Variants in AKAP6 observed in about 807,000 individuals in gnomAD.
AKAP6 encodes the protein A-kinase anchoring protein 6.
A neutral mutation model predicts 188.5 loss-of-function variants in AKAP6; 58 were observed. That is an observed-to-expected ratio of 0.31 (90% CI 0.25 to 0.38). The LOEUF is 0.38. AKAP6 is among the 10% of genes least tolerant of loss of function. The pLI, the probability that AKAP6 is intolerant of heterozygous loss-of-function variation, is 1.00. For missense variants in AKAP6, 2,710 were observed against 2,740.0 expected (o/e 0.99, Z 0.24); for synonymous variants, 989 against 998.6 (o/e 0.99, Z 0.18).
At chr14:32,476,829 C>T (rs769948745) in intron 2 of AKAP6, among the ~76,000 whole-genome samples, 1 of 152,158 alleles carries the variant, frequency 6.6e-6, no homozygotes, top group Non-Finnish European at 1.5e-5. Flanking sequence ...CCAGCCTCCA[C>T]AGTGGCTTAC....
intron 2 of AKAP6, among the ~76,000 whole-genome samples, chr14:32,521,048 A>G (rs1262172399): frequency 2.0e-5 from 3 of 152,228 alleles, no homozygotes; most frequent in Non-Finnish European, 2.9e-5. Context: ...ATGCAAATCA[A>G]TAAACATAAT....
rs542968045 is a variant in AKAP6 at position 32,524,321 on chromosome 14, C to T, written c.325-11233C>T. Among the ~76,000 whole-genome samples the T allele has an allele frequency of 9.5e-4, 145 of 152,130 alleles. 2 individuals are homozygous for T. Among genetic ancestry groups the T allele is most frequent in the African/African-American group, 3.4e-3 (142 of 41,490 alleles). ...GCCTCTGTGATGGAAAGGGGACAGG[C>T]GGAAGCAGTTCTGGGGTGGGGATGG... On this transcript the variant is annotated intron_variant, in intron 2 of 13. Coordinates refer to ENST00000280979, the MANE Select transcript of AKAP6 (RefSeq NM_004274.5).
At chr14:32,636,706 G>A (rs1887507158) in intron 7 of AKAP6, among the ~76,000 whole-genome samples, 6 of 152,128 alleles carry the variant, frequency 3.9e-5, no homozygotes, top group South Asian at 2.1e-4. Flanking sequence ...CCTTCAGAAA[G>A]TGTTCAGCAT....
rs74041682 is a variant in AKAP6 at position 32,749,711 on chromosome 14, A to G, written c.3372+13829A>G. ...TAAACTGCTAGTGCGGTGATGGCAA[A>G]CAAATGTACAGATCTATAAGATATG... is the stretch of plus-strand genomic sequence containing the variant. On this transcript the variant is annotated intron_variant, in intron 11 of 13. Coordinates refer to ENST00000280979, the MANE Select transcript of AKAP6 (RefSeq NM_004274.5). 7.8e-3 allele frequency among the ~76,000 whole-genome samples: 1,187 copies of G among 152,366 alleles called. 10 individuals carry two copies. The highest frequency in any genetic ancestry group is 0.027 in the African/African-American group (1,130 of 41,584).
intron 2 of AKAP6, among the ~76,000 whole-genome samples, chr14:32,508,075 A>T (rs538429333): frequency 6.6e-6 from 1 of 152,256 alleles, no homozygotes; most frequent in African/African-American, 2.4e-5. Flanking sequence ...CTTTCAGACT[A>T]AAAAAATCTC....
Position 32,823,688 on chromosome 14 carries a change from C to T in AKAP6, c.5875C>T (p.His1959Tyr), listed in dbSNP as rs1243904617. The part of the protein sequence containing the change: ...GKEFVSQDVR[H>Y]LPKKCPNHHH... ...GGAATTTGTTTCCCAAGATGTTAGACATCTTCCAAAGAAATGTCCAAATCA... is the reference window on the plus strand; with the variant it reads ...GGAATTTGTTTCCCAAGATGTTAGATATCTTCCAAAGAAATGTCCAAATCA... Residue 1959 changes from histidine (H) to tyrosine (Y), a missense_variant, in exon 13 of 14, where the codon CAT becomes TAT. His to Tyr is a moderately conservative substitution (Grantham distance 83, BLOSUM62 2). Transcript: ENST00000280979. 1.2e-6 allele frequency: 2 copies of T among 1,613,790 alleles called. No individual in the cohort carries two copies. Among genetic ancestry groups the T allele is most frequent in the Admixed American group, 1.7e-5 (1 of 59,940 alleles).
At chr14:32,518,644 G>A (rs7143243) in intron 2 of AKAP6, among the ~76,000 whole-genome samples, 109,233 of 151,958 alleles carry the variant, frequency 0.72, 40,135 homozygotes, top group African/African-American at 0.87. Context: ...AAGTTTAGAA[G>A]AAAAAGAGTA....
chr14:32,670,202 G>T (rs921506875), intron 7 of AKAP6, among the ~76,000 whole-genome samples: 1 of 151,890 alleles, frequency 6.6e-6, no homozygotes, highest in African/African-American at 2.4e-5. Context: ...CACAAGAATA[G>T]CAGGAGGGTA....
chr14:32,689,575 T>G (rs113894051), intron 8 of AKAP6, among the ~76,000 whole-genome samples: 1,886 of 152,254 alleles, frequency 0.012, 40 homozygotes, highest in African/African-American at 0.043. Context: ...AAATAGTAAA[T>G]TAGTGTCCAC....
intron 11 of AKAP6, among the ~76,000 whole-genome samples, chr14:32,750,548 C>G (rs1366422372): frequency 6.6e-6 from 1 of 151,170 alleles, no homozygotes; most frequent in Non-Finnish European, 1.5e-5. Context: ...ATAGTAAGAC[C>G]CCATCTCTAC....
intron 7 of AKAP6, among the ~76,000 whole-genome samples, chr14:32,634,589 G>A (rs1417455028): frequency 6.6e-6 from 1 of 152,000 alleles, no homozygotes; most frequent in Non-Finnish European, 1.5e-5. Context: ...TGGCTATCCA[G>A]TCTAATTAAT....
In AKAP6 at chr14:32,493,962, AGGCTTCTAGAGGAGGTGGCCATTGAACT is replaced by A. The variant is rs141425000; in HGVS notation, c.325-41590_325-41563del. Among the ~76,000 whole-genome samples, 470 of 152,256 alleles carry A rather than the reference AGGCTTCTAGAGGAGGTGGCCATTGAACT, an allele frequency of 3.1e-3. 2 individuals are homozygous for A. The highest frequency in any genetic ancestry group is 0.011 in the African/African-American group (444 of 41,536). ...ATTAAGCCAGGCAAGGAGAGTCACGAGGCTTCTAGAGGAGGTGGCCATTGAACTGACTGTCAGGAAGTTTGAGAGAGTG... is the reference window on the plus strand; with the variant it reads ...ATTAAGCCAGGCAAGGAGAGTCACGAGACTGTCAGGAAGTTTGAGAGAGTG... On this transcript the variant is annotated intron_variant, in intron 2 of 13. Transcript: ENST00000280979.
intron 7 of AKAP6, 91 bp downstream of exon 7, chr14:32,600,883 T>C: frequency 7.9e-7 from 1 of 1,267,086 alleles, no homozygotes. Context: ...CCCTAAGGCT[T>C]TTTGTTTCTA....
chr14:32,769,120 C>T (rs2032816610), intron 11 of AKAP6, among the ~76,000 whole-genome samples: 1 of 135,106 alleles, frequency 7.4e-6, no homozygotes, highest in Admixed American at 8.5e-5. Flanking sequence ...CGATCTCGGC[C>T]CACTGCAACC....
chr14:32,635,362 A>C (rs1001432137), intron 7 of AKAP6, among the ~76,000 whole-genome samples: 1 of 152,132 alleles, frequency 6.6e-6, no homozygotes, highest in Non-Finnish European at 1.5e-5. Flanking sequence ...AGTTATGGAC[A>C]AAATAAGTAA....
chr14:32,494,928 A>T (rs1197521453), intron 2 of AKAP6: 1 of 152,182 alleles, frequency 6.6e-6, no homozygotes, highest in Non-Finnish European at 1.5e-5. Context: ...TGTAAGCTTT[A>T]CATGTGAGCT....
Position 32,460,055 on chromosome 14 carries a change from C to G in AKAP6, c.324+26238C>G, listed in dbSNP as rs181240641. 7.4e-4 allele frequency among the ~76,000 whole-genome samples: 112 copies of G among 151,876 alleles called. 1 individual carries two copies. In the East Asian group the frequency reaches 0.017, roughly 23 times the overall value. The stretch of plus-strand genomic sequence containing the variant: ...CAACACCATCAATAAATTAGTCTTG[C>G]CAAAAAAGAAAGGAAAAATACAACT... On this transcript the variant is annotated intron_variant, in intron 2 of 13. Transcript: ENST00000280979.
intron 11 of AKAP6, among the ~76,000 whole-genome samples, chr14:32,764,423 T>C (rs940836756): frequency 6.6e-6 from 1 of 152,078 alleles, no homozygotes; most frequent in African/African-American, 2.4e-5. Context: ...CAGAAAGAGG[T>C]TGTTGGCTGT....
At chr14:32,672,440 CA>C (rs2139616357) in intron 7 of AKAP6, among the ~76,000 whole-genome samples, 1 of 152,262 alleles carries the variant, frequency 6.6e-6, no homozygotes, top group Non-Finnish European at 1.5e-5. Flanking sequence ...GGTTTGATTT[CA>C]GGTGAAGCCT....
Sources: gnomAD v4.1 joint callset for allele counts (sites outside exome capture counted in the v4.1 genomes callset) on GRCh38, gnomAD v4.1.1 for gene constraint, MANE v1.5 for transcripts, NCBI Gene and HGNC (gene_info 2026-07-23, HGNC 2026-07-21) for gene names.